ATAD1: variants seen among roughly 807,000 people sequenced by gnomAD.
ATAD1 encodes ATPase family AAA domain containing 1, also known as outer mitochondrial transmembrane helix translocase.
In ATAD1, 18 loss-of-function variants were observed where a neutral mutation model predicts 42.7. The ratio of observed to expected loss-of-function variants is 0.42; its 90% CI spans 0.29 to 0.63. ATAD1 has a LOEUF of 0.63. Among genes scored for constraint, ATAD1 ranks in the 20% least tolerant of loss-of-function variants. ATAD1 has a pLI of 0.19. For synonymous variants in ATAD1, 132 were observed against 143.1 expected (o/e 0.92, Z 0.55); for missense variants, 294 against 440.4 (o/e 0.67, Z 2.98).
At chr10:87,805,944 A>G (rs1856902632) in intron 2 of ATAD1, among the ~76,000 whole-genome samples, 1 of 152,070 alleles carries the variant, frequency 6.6e-6, no homozygotes, top group Non-Finnish European at 1.5e-5. Context: ...TGACCATTCT[A>G]TAACACGTTT....
chr10:87,812,404 G>A (rs567692310), intron 2 of ATAD1, among the ~76,000 whole-genome samples: 3 of 152,140 alleles, frequency 2.0e-5, no homozygotes, highest in Non-Finnish European at 2.9e-5. Flanking sequence ...CGAGTAGCTG[G>A]GTGTGCACCA....
intron 1 of ATAD1, among the ~76,000 whole-genome samples, chr10:87,836,491 T>C (rs1857932208): frequency 6.6e-6 from 1 of 152,240 alleles, no homozygotes; most frequent in Non-Finnish European, 1.5e-5. Context: ...CTTTTAGCCC[T>C]TTAAGTTGTT....
At chr10:87,789,781 C>T (rs1457221325) in intron 4 of ATAD1, among the ~76,000 whole-genome samples, 1 of 152,108 alleles carries the variant, frequency 6.6e-6, no homozygotes, top group Admixed American at 6.5e-5. Context: ...ACAAGAATTA[C>T]ACTTAATGAT....
intron 1 of ATAD1, chr10:87,817,837 G>T (rs1857493249): frequency 3.0e-6 from 3 of 985,496 alleles, no homozygotes; most frequent in Non-Finnish European, 3.6e-6. Context: ...GCCTGGTTCT[G>T]AAGTCTTCCG....
At chr10:87,755,633 T>G (rs1319669103) in intron 9 of ATAD1, among the ~76,000 whole-genome samples, 1 of 152,052 alleles carries the variant, frequency 6.6e-6, no homozygotes, top group African/African-American at 2.4e-5. Flanking sequence ...ACCTGGCCAG[T>G]AGCGGTGGCT....
chr10:87,838,387 C>T (rs537585706), intron 1 of ATAD1, among the ~76,000 whole-genome samples: 2 of 131,244 alleles, frequency 1.5e-5, no homozygotes, highest in Admixed American at 9.1e-5. Context: ...ATTAGCTGGG[C>T]GTGGTGGTGC....
rs143357579 is a variant in ATAD1 at position 87,807,769 on chromosome 10, A to G, written c.162+6669T>C. On this transcript the variant is annotated intron_variant, in intron 2 of 9. Transcript: ENST00000680024. Reference sequence around the variant, plus strand: ...ATTTAATTTCAATAGCAACCCAACAAGGTAAGTGCTATTATTATTTCTTTT... The same window carrying G: ...ATTTAATTTCAATAGCAACCCAACAGGGTAAGTGCTATTATTATTTCTTTT... 3.2e-3 allele frequency among the ~76,000 whole-genome samples: 486 copies of G among 152,282 alleles called. 3 individuals are homozygous for G. The highest frequency in any genetic ancestry group is 0.011 in the African/African-American group (462 of 41,564).
upstream of ATAD1, among the ~76,000 whole-genome samples, chr10:87,820,352 A>G (rs556775498): frequency 1.3e-5 from 2 of 152,348 alleles, no homozygotes; most frequent in African/African-American, 2.4e-5. Flanking sequence ...TCATTCATTT[A>G]CTGAGTGAAA....
upstream of ATAD1, among the ~76,000 whole-genome samples, chr10:87,821,001 CCTTTGCT>C (rs1474794346): frequency 1.3e-5 from 2 of 151,982 alleles, no homozygotes; most frequent in Non-Finnish European, 2.9e-5. Flanking sequence ...ACTTTCTGGG[CCTTTGCT>C]CTTTGTTAGA....
chr10:87,821,795 T>A (rs1486764225), upstream of ATAD1, among the ~76,000 whole-genome samples: 2 of 152,200 alleles, frequency 1.3e-5, no homozygotes, highest in Admixed American at 1.3e-4. Flanking sequence ...CCTCCAGAAC[T>A]GGGAGAAATA....
intron 2 of ATAD1, among the ~76,000 whole-genome samples, chr10:87,797,040 G>A (rs1856426780): frequency 6.6e-6 from 1 of 152,130 alleles, no homozygotes; most frequent in Non-Finnish European, 1.5e-5. Context: ...CCTGCTTCTA[G>A]GATGTAGAGA....
chr10:87,778,506 A>C (rs535951250), intron 5 of ATAD1, among the ~76,000 whole-genome samples: 1 of 152,292 alleles, frequency 6.6e-6, no homozygotes. Context: ...AAATTCATCT[A>C]TGTTTGATAT....
intron 2 of ATAD1, among the ~76,000 whole-genome samples, chr10:87,807,975 A>C (rs1408009179): frequency 6.6e-6 from 1 of 152,116 alleles, no homozygotes; most frequent in East Asian, 1.9e-4. Flanking sequence ...TAGTTTTATA[A>C]TTTTCTCTAT....
intron 8 of ATAD1, among the ~76,000 whole-genome samples, chr10:87,762,118 C>T (rs953463807): frequency 5.9e-5 from 9 of 152,096 alleles, no homozygotes; most frequent in African/African-American, 1.9e-4. Flanking sequence ...GTTACAAGGG[C>T]TTAAATTTCA....
intron 3 of ATAD1, among the ~76,000 whole-genome samples, chr10:87,791,204 C>CAA (rs33991078): frequency 1.1e-3 from 110 of 97,246 alleles, no homozygotes; most frequent in Middle Eastern, 5.8e-3. Flanking sequence ...GACTCTGTCT[C>CAA]AAAAAAAAAA....
intron 4 of ATAD1, among the ~76,000 whole-genome samples, chr10:87,785,246 A>T (rs938038656): frequency 6.6e-6 from 1 of 152,078 alleles, no homozygotes; most frequent in Admixed American, 6.6e-5. Flanking sequence ...TTTGCTGCTA[A>T]ATACAATTTA....
At chr10:87,832,645 A>C (rs951450717) in intron 1 of ATAD1, among the ~76,000 whole-genome samples, 8 of 152,164 alleles carry the variant, frequency 5.3e-5, no homozygotes, top group African/African-American at 1.9e-4. Context: ...GCTATATTTA[A>C]AAATTTTAAA....
intron 2 of ATAD1, among the ~76,000 whole-genome samples, chr10:87,800,967 T>C (rs1856664019): frequency 1.3e-5 from 2 of 152,182 alleles, no homozygotes; most frequent in East Asian, 1.9e-4. Context: ...GGCACACTAA[T>C]GCAAAACCAA....
chr10:87,762,916 A>ATAT lies in ATAD1; in HGVS notation c.831+4756_831+4757insATA, dbSNP rs202149805. 4.6e-3 allele frequency among the ~76,000 whole-genome samples: 613 copies of ATAT among 134,290 alleles called. 5 individuals carry two copies. Among genetic ancestry groups the ATAT allele is most frequent in the African/African-American group, 0.015 (559 of 36,978 alleles). 88.1% of individuals were successfully genotyped at this position (134,290 alleles called of 152,430 possible). A position where few individuals can be genotyped will look rare whatever the true frequency, so the allele number is the denominator to read the frequency against. Reference sequence around the variant, plus strand: ...AAACCCCGTCTCTACTAAAAAAAAAAAAATATATATATATATAAGCCGGGT... The same window carrying ATAT: ...AAACCCCGTCTCTACTAAAAAAAAAATATAAATATATATATATATAAGCCGGGT... On this transcript the variant is annotated intron_variant, in intron 8 of 9. Transcript: ENST00000680024.
Sources: allele counts gnomAD v4.1 joint callset (sites outside exome capture counted in the v4.1 genomes callset), GRCh38; gene constraint gnomAD v4.1.1; transcripts MANE v1.5; gene names NCBI Gene and HGNC (gene_info 2026-07-23, HGNC 2026-07-21).